Variants in DEK observed in about 807,000 individuals in gnomAD.
DEK encodes DEK proto-oncogene.
Under a neutral mutation model 46.8 loss-of-function variants are expected in DEK, and 28 were observed. That is an observed-to-expected ratio of 0.60 (90% CI 0.44 to 0.82). DEK has a LOEUF of 0.82. Ranked by LOEUF, DEK falls within the 40% of genes least tolerant of loss-of-function variation. The probability of loss-of-function intolerance (pLI) is 0.00; values close to 1 mark genes in which losing one functional copy is unlikely to be tolerated. For synonymous variants in DEK, 160 were observed against 144.5 expected (o/e 1.11, Z -0.77); for missense variants, 416 against 430.6 (o/e 0.97, Z 0.30).
intron 9 of DEK, among the ~76,000 whole-genome samples, chr6:18,227,223 A>T (rs1790175991): frequency 6.6e-6 from 1 of 152,152 alleles, no homozygotes; most frequent in South Asian, 2.1e-4. Flanking sequence ...TTGAGACAAG[A>T]GGAAGGCATC....
At chr6:18,229,224 C>T (rs1790286047) in intron 9 of DEK, among the ~76,000 whole-genome samples, 1 of 152,206 alleles carries the variant, frequency 6.6e-6, no homozygotes, top group Non-Finnish European at 1.5e-5. Context: ...ACCAAAACCC[C>T]ATCTGTACGT....
At chr6:18,237,599 T>C in intron 7 of DEK, 83 bp from the exon 8 acceptor site, 1 of 1,463,128 alleles carries the variant, frequency 6.8e-7, no homozygotes, top group Non-Finnish European at 9.0e-7. Flanking sequence ...CCTATGCCCC[T>C]TAATAATATT....
chr6:18,247,376 T>A (rs1791165632), intron 7 of DEK, among the ~76,000 whole-genome samples: 1 of 151,230 alleles, frequency 6.6e-6, no homozygotes, highest in Middle Eastern at 3.2e-3. Context: ...TCTAATAAAA[T>A]ATGATATAGC....
rs534592223 is a variant in DEK at position 18,243,413 on chromosome 6, CAT to C, written c.763-5899_763-5898del. ...TGAGAATAATGAACCTACCACCAAA[CAT>C]ATTAGTCACACAACAATGCCCAGCT... On this transcript the variant is annotated intron_variant, in intron 7 of 10. Coordinates refer to ENST00000652689, the MANE Select transcript of DEK (RefSeq NM_003472.4). 8.6e-5 allele frequency among the ~76,000 whole-genome samples: 13 copies of C among 151,986 alleles called. No homozygotes were observed. In the South Asian group the frequency reaches 2.7e-3, roughly 32 times the overall value.
At chr6:18,263,197 G>A (rs1791953286) in intron 2 of DEK, among the ~76,000 whole-genome samples, 1 of 151,978 alleles carries the variant, frequency 6.6e-6, no homozygotes, top group Non-Finnish European at 1.5e-5. Context: ...GGCTCATATC[G>A]CCCTCCCTTA....
chr6:18,257,450 A>G (rs1466363296), intron 4 of DEK, among the ~76,000 whole-genome samples: 1 of 152,240 alleles, frequency 6.6e-6, no homozygotes, highest in African/African-American at 2.4e-5. Context: ...ACTGGCTCAC[A>G]CCTGTAATCC....
chr6:18,239,478 GTGTT>G (rs1191777651), intron 7 of DEK, among the ~76,000 whole-genome samples: 1 of 150,916 alleles, frequency 6.6e-6, no homozygotes, highest in African/African-American at 2.4e-5. Flanking sequence ...CTGGATTTTA[GTGTT>G]TGTCTTTCTT....
intron 9 of DEK, among the ~76,000 whole-genome samples, chr6:18,232,798 A>G (rs1472718712): frequency 2.0e-5 from 3 of 152,230 alleles, no homozygotes; most frequent in Non-Finnish European, 4.4e-5. Flanking sequence ...TTATAGATTC[A>G]ATGCCATCCC....
At chr6:18,254,798 T>C (rs1791534439) in intron 6 of DEK, among the ~76,000 whole-genome samples, 1 of 152,218 alleles carries the variant, frequency 6.6e-6, no homozygotes, top group Non-Finnish European at 1.5e-5. Flanking sequence ...ATTTTGTCTT[T>C]AAACAAGCCA....
chr6:18,249,701 TC>T lies in DEK; in HGVS notation c.711del (p.Asn239ThrfsTer39). ...SDESSSDEDE[K>X]KNKEESSDDE... The stretch of plus-strand genomic sequence containing the variant: ...TCATCTGAAGACTCTTCCTTGTTTT[TC>T]TTTTCATCTTCATCACTACTAGATT... On this transcript the variant is annotated frameshift_variant, in exon 7 of 11. Coordinates refer to ENST00000652689, the MANE Select transcript of DEK (RefSeq NM_003472.4). LOFTEE classifies it high-confidence loss of function. 1 of 1,605,168 alleles carries T rather than the reference TC, an allele frequency of 6.2e-7. No homozygotes were observed. The highest frequency in any genetic ancestry group is 8.5e-7 in the Non-Finnish European group (1 of 1,177,766).
intron 9 of DEK, among the ~76,000 whole-genome samples, chr6:18,234,388 C>A (rs963880064): frequency 2.6e-5 from 4 of 152,048 alleles, no homozygotes; most frequent in Non-Finnish European, 5.9e-5. Flanking sequence ...TCTTTCCCTG[C>A]AAAACCCCAA....
chr6:18,258,703 T>A (rs1158657152), intron 2 of DEK, among the ~76,000 whole-genome samples: 2 of 152,176 alleles, frequency 1.3e-5, no homozygotes, highest in Non-Finnish European at 2.9e-5. Flanking sequence ...TACAGTCCAG[T>A]CACTTCGTTT....
At chr6:18,255,420 C>T (rs192688917) in intron 6 of DEK, among the ~76,000 whole-genome samples, 6 of 152,334 alleles carry the variant, frequency 3.9e-5, no homozygotes, top group African/African-American at 1.4e-4. Flanking sequence ...ATCCTCAGCC[C>T]AACCTCTTCC....
At chr6:18,250,468 C>CA (rs1488974773) in intron 6 of DEK, among the ~76,000 whole-genome samples, 2 of 145,282 alleles carry the variant, frequency 1.4e-5, no homozygotes, top group Non-Finnish European at 3.0e-5. Flanking sequence ...GACTCCGTCT[C>CA]AAAAAAACAC....
chr6:18,226,714 AG>A (rs1481110101), intron 9 of DEK, among the ~76,000 whole-genome samples: 1 of 152,282 alleles, frequency 6.6e-6, no homozygotes, highest in East Asian at 1.9e-4. Flanking sequence ...CAGGAGGTTG[AG>A]GTTGCAGTGA....
At chr6:18,242,911 G>A (rs1426479636) in intron 7 of DEK, among the ~76,000 whole-genome samples, 1 of 152,146 alleles carries the variant, frequency 6.6e-6, no homozygotes, top group African/African-American at 2.4e-5. Flanking sequence ...TGGCTCTGCT[G>A]TCAAACCTCA....
chr6:18,226,027 G>A (rs1790109516), intron 10 of DEK, 147 bp downstream of exon 10: 3 of 840,472 alleles, frequency 3.6e-6, no homozygotes, highest in East Asian at 3.2e-5. Context: ...GTGGGAATGA[G>A]AAGAAATAAA....
At chr6:18,232,565 C>T (rs1790456671) in intron 9 of DEK, among the ~76,000 whole-genome samples, 1 of 152,032 alleles carries the variant, frequency 6.6e-6, no homozygotes, top group African/African-American at 2.4e-5. Context: ...TCCTATACAC[C>T]CATAACAGAC....
At chr6:18,254,422 C>T (rs895405459) in intron 6 of DEK, among the ~76,000 whole-genome samples, 1 of 152,036 alleles carries the variant, frequency 6.6e-6, no homozygotes, top group African/African-American at 2.4e-5. Flanking sequence ...TCTCTTAAGC[C>T]AGACATTAAA....
Sources: allele counts gnomAD v4.1 joint callset (sites outside exome capture counted in the v4.1 genomes callset), GRCh38; gene constraint gnomAD v4.1.1; transcripts MANE v1.5; gene names NCBI Gene and HGNC (gene_info 2026-07-23, HGNC 2026-07-21).